The following MND1 variants were observed in gnomAD, a reference collection of about 807,000 sequenced individuals.
MND1 encodes the protein meiotic nuclear division protein 1 homolog.
Under a neutral mutation model 35.1 loss-of-function variants are expected in MND1, and 28 were observed. The ratio of observed to expected loss-of-function variants is 0.80; its 90% CI spans 0.59 to 1.09. The LOEUF (loss-of-function observed/expected upper bound fraction) is 1.09. Ranked by LOEUF, MND1 falls within the 50% of genes least tolerant of loss-of-function variation. The pLI is 0.00. For missense variants in MND1, 213 were observed against 239.6 expected (o/e 0.89, Z 0.73); for synonymous variants, 69 against 70.5 (o/e 0.98, Z 0.11).
intron 4 of MND1, among the ~76,000 whole-genome samples, chr4:153,377,759 GTAGACTCTAGACC>G: frequency 2.6e-5 from 4 of 152,290 alleles, no homozygotes; most frequent in Admixed American, 2.6e-4. Flanking sequence ...ATTTAAGGGA[GTAGACTCTAGACC>G]TAGACTCCCT....
intron 4 of MND1, among the ~76,000 whole-genome samples, chr4:153,361,952 G>A (rs766080412): frequency 9.2e-5 from 14 of 151,986 alleles, no homozygotes; most frequent in Non-Finnish European, 1.3e-4. Flanking sequence ...TATCGTCTAT[G>A]TTGTTTAAGA....
chr4:153,350,833 G>A (rs1200439819), intron 2 of MND1, among the ~76,000 whole-genome samples: 3 of 151,754 alleles, frequency 2.0e-5, no homozygotes, highest in Non-Finnish European at 4.4e-5. Context: ...ACAAAGCCTA[G>A]TTGGCCCCAG....
intron 6 of MND1, 68 bp from the exon 7 acceptor site, chr4:153,408,903 A>G: frequency 6.1e-6 from 2 of 330,134 alleles, no homozygotes; most frequent in East Asian, 8.2e-5. Flanking sequence ...GCTAAAGATC[A>G]TTTTGTGTGT....
intron 4 of MND1, among the ~76,000 whole-genome samples, chr4:153,363,888 A>G (rs1043489350): frequency 6.6e-6 from 1 of 152,144 alleles, no homozygotes; most frequent in African/African-American, 2.4e-5. Flanking sequence ...TGGTTAACAA[A>G]TGAGGACCCA....
intron 4 of MND1, among the ~76,000 whole-genome samples, chr4:153,365,880 G>A (rs577647249): frequency 2.4e-4 from 36 of 152,354 alleles, no homozygotes; most frequent in African/African-American, 7.9e-4. Flanking sequence ...TGGATGTAGA[G>A]TGTGAGGTCA....
intron 5 of MND1, among the ~76,000 whole-genome samples, chr4:153,396,235 G>T (rs1303491060): frequency 6.6e-6 from 1 of 152,138 alleles, no homozygotes; most frequent in East Asian, 1.9e-4. Flanking sequence ...GCCACATGTG[G>T]CTAGTAGGTC....
chr4:153,375,711 G>A (rs1728484746), intron 4 of MND1, among the ~76,000 whole-genome samples: 2 of 151,984 alleles, frequency 1.3e-5, no homozygotes, highest in South Asian at 4.1e-4. Context: ...TTACCTAATT[G>A]CTTAAAACAA....
intron 4 of MND1, among the ~76,000 whole-genome samples, chr4:153,364,874 A>G (rs1773586538): frequency 6.6e-6 from 1 of 152,196 alleles, no homozygotes; most frequent in South Asian, 2.1e-4. Flanking sequence ...ACCACAAGGA[A>G]TGAAATTCTG....
Position 153,355,693 on chromosome 4 carries a change from C to T in MND1, c.109C>T (p.Pro37Ser), listed in dbSNP as rs779335246. The T allele has an allele frequency of 1.3e-6, 2 of 1,587,874 alleles. No homozygotes were observed. Among genetic ancestry groups the T allele is most frequent in the Admixed American group, 1.7e-5 (1 of 59,672 alleles). The stretch of plus-strand genomic sequence containing the variant: ...ATTAAAAGACTTGGAGAAGATTGCT[C>T]CCAAAGAGAAAGGCATTAGTAAGTA... ...FQLKDLEKIAPKEKGITAMSV... is the reference protein window; with the variant it reads ...FQLKDLEKIASKEKGITAMSV... The change falls in exon 3 of 8, where the codon CCC becomes TCC. Residue 37 changes from proline (P) to serine (S), a missense_variant. Physicochemically the swap from Pro to Ser is moderately conservative, Grantham distance 74 (BLOSUM62 -1). Coordinates refer to ENST00000240488, the MANE Select transcript of MND1 (RefSeq NM_032117.4).
At chr4:153,370,270 G>A (rs923316588) in intron 4 of MND1, among the ~76,000 whole-genome samples, 6 of 151,802 alleles carry the variant, frequency 4.0e-5, no homozygotes, top group Admixed American at 2.6e-4. Flanking sequence ...TAACACAGCC[G>A]GACTCCATCT....
chr4:153,352,717 A>T (rs188503973), intron 2 of MND1, among the ~76,000 whole-genome samples: 170 of 144,438 alleles, frequency 1.2e-3, no homozygotes, highest in Non-Finnish European at 2.1e-3. Flanking sequence ...CAGGCACTCT[A>T]GCCCAGGTAA....
At chr4:153,390,365 G>T (rs1362942634) in intron 4 of MND1, among the ~76,000 whole-genome samples, 1 of 152,098 alleles carries the variant, frequency 6.6e-6, no homozygotes, top group Non-Finnish European at 1.5e-5. Context: ...CATTTGGATT[G>T]TGCCTCCCTG....
intron 4 of MND1, among the ~76,000 whole-genome samples, chr4:153,389,610 C>T (rs1314677501): frequency 6.6e-6 from 1 of 152,178 alleles, no homozygotes; most frequent in Non-Finnish European, 1.5e-5. Context: ...ATCCACCTGC[C>T]TTGGCCTCTC....
At chr4:153,396,321 G>A (rs1729196445) in intron 5 of MND1, among the ~76,000 whole-genome samples, 1 of 152,152 alleles carries the variant, frequency 6.6e-6, no homozygotes, top group African/African-American at 2.4e-5. Flanking sequence ...TTCTGAGCGT[G>A]CTGCTCTGTA....
At chr4:153,397,876 T>C (rs1210415973) in intron 6 of MND1, among the ~76,000 whole-genome samples, 1 of 152,160 alleles carries the variant, frequency 6.6e-6, no homozygotes, top group Non-Finnish European at 1.5e-5. Flanking sequence ...TTTGAAATTA[T>C]AAGCATTTTA....
At chr4:153,406,678 A>C (rs1044996847) in intron 6 of MND1, among the ~76,000 whole-genome samples, 1 of 152,186 alleles carries the variant, frequency 6.6e-6, no homozygotes, top group South Asian at 2.1e-4. Context: ...ATGAACGGAC[A>C]CTTCCCCCAA....
chr4:153,365,521 G>T (rs757319871), intron 4 of MND1, among the ~76,000 whole-genome samples: 10 of 152,098 alleles, frequency 6.6e-5, no homozygotes, highest in Non-Finnish European at 1.5e-4. Flanking sequence ...CAACTGTAAA[G>T]TTACAGTGGT....
At chr4:153,365,623 G>A (rs1038840091) in intron 4 of MND1, among the ~76,000 whole-genome samples, 10 of 151,240 alleles carry the variant, frequency 6.6e-5, no homozygotes, top group Non-Finnish European at 1.3e-4. Flanking sequence ...TTTAAGAGAT[G>A]GGGTCTTGCT....
intron 4 of MND1, among the ~76,000 whole-genome samples, chr4:153,361,230 G>A (rs186011903): frequency 1.0e-3 from 156 of 152,306 alleles, no homozygotes; most frequent in African/African-American, 3.5e-3. Context: ...TTTAAGAGTG[G>A]TAAACTCTCA....
Sources: allele counts gnomAD v4.1 joint callset (sites outside exome capture counted in the v4.1 genomes callset), GRCh38; gene constraint gnomAD v4.1.1; transcripts MANE v1.5; gene names NCBI Gene and HGNC (gene_info 2026-07-23, HGNC 2026-07-21).